UNC79: variants seen among roughly 807,000 people sequenced by gnomAD.
UNC79 encodes the protein unc-79 subunit of NALCN channel complex.
A neutral mutation model predicts 283.1 loss-of-function variants in UNC79; 37 were observed. The ratio of observed to expected loss-of-function variants is 0.13; its 90% CI spans 0.10 to 0.17. The LOEUF (loss-of-function observed/expected upper bound fraction) is 0.17, where lower values mean the gene tolerates loss of function less well. Among genes scored for constraint, UNC79 ranks in the 10% least tolerant of loss-of-function variants. The probability of loss-of-function intolerance (pLI) is 1.00; values close to 1 mark genes in which losing one functional copy is unlikely to be tolerated. For synonymous variants in UNC79, 1,107 were observed against 1,200.2 expected, an observed-to-expected ratio of 0.92 and a Z score of 1.61; for missense variants, 2,272 against 3,211.1, an observed-to-expected ratio of 0.71 and a Z score of 7.07.
At chr14:93,668,183 G>A (rs1229388509) in intron 40 of UNC79, among the ~76,000 whole-genome samples, 1 of 151,992 alleles carries the variant, frequency 6.6e-6, no homozygotes, top group Non-Finnish European at 1.5e-5. Flanking sequence ...AGAAATCAAA[G>A]GTATAAGGAT....
chr14:93,568,401 T>TG (rs910212922), intron 14 of UNC79, among the ~76,000 whole-genome samples: 4 of 152,084 alleles, frequency 2.6e-5, no homozygotes, highest in African/African-American at 9.7e-5. Context: ...AGGCCAGGTG[T>TG]GGGGGCTCAC....
In UNC79 at chr14:93,617,122, G is replaced by A. The variant is rs1379704321; in HGVS notation, c.4042G>A (p.Val1348Ile). The A allele has an allele frequency of 6.2e-7, 1 of 1,608,798 alleles. No individual in the cohort carries two copies. The highest frequency in any genetic ancestry group is 8.5e-7 in the Non-Finnish European group (1 of 1,177,098). The change falls in exon 28 of 49, where the codon GTT becomes ATT. Residue 1348 changes from valine to isoleucine, a missense_variant and splice_region_variant. Physicochemically the swap from Val to Ile is conservative, Grantham distance 29. Transcript: ENST00000555664. This position sits in a 1 kb window ranked among gnomAD's most constrained non-coding sequence, Gnocchi z 4.5. The stretch of plus-strand genomic sequence containing the variant: ...GTTATTAATATTTTTTCTATTTCAG[G>A]TTATGGACTATAACATTAACTTGGG...
intron 1 of UNC79, among the ~76,000 whole-genome samples, chr14:93,380,849 T>G (rs1048217283): frequency 1.3e-5 from 2 of 152,226 alleles, no homozygotes; most frequent in Non-Finnish European, 2.9e-5. Flanking sequence ...ACTGCAGAGA[T>G]ATTCTGGAGG....
chr14:93,497,347 A>G (rs2059058200), intron 7 of UNC79, 61 bp downstream of exon 7: 2 of 1,529,396 alleles, frequency 1.3e-6, no homozygotes, highest in Admixed American at 2.1e-5. Flanking sequence ...CACTGGCCTC[A>G]CCTACTTATA....
intron 40 of UNC79, among the ~76,000 whole-genome samples, chr14:93,672,009 G>A (rs1044751487): frequency 2.0e-5 from 3 of 152,102 alleles, no homozygotes; most frequent in African/African-American, 7.2e-5. Context: ...AGTTAGAAAG[G>A]CTATTATCAA....
intron 1 of UNC79, among the ~76,000 whole-genome samples, chr14:93,463,246 T>G (rs2057025820): frequency 6.6e-6 from 1 of 151,892 alleles, no homozygotes; most frequent in African/African-American, 2.4e-5. Flanking sequence ...AAAATGGTGA[T>G]CGGAAAGTGC....
rs117637671 is a variant in UNC79 at position 93,662,545 on chromosome 14, A to G, written c.6526-59A>G. The G allele has an allele frequency of 3.2e-3, 3,735 of 1,167,930 alleles. 10 individuals are homozygous for G. The highest frequency in any genetic ancestry group is 5.3e-3 in the Admixed American group (246 of 46,010). The allele number at this position is 1,167,930 out of a possible 1,614,324, so 72.3% of individuals were successfully genotyped here. A position where few individuals can be genotyped will look rare whatever the true frequency, so the allele number is the denominator to read the frequency against. On this transcript the variant is annotated intron_variant, in intron 39 of 48. Transcript: ENST00000555664. ...AGTTAAAGTATCATAAGATTTTAAT[A>G]CTTTTTTTGAAATGAAGTAATCAGC...
intron 7 of UNC79, among the ~76,000 whole-genome samples, chr14:93,516,080 T>C (rs1324683653): frequency 6.6e-6 from 1 of 152,100 alleles, no homozygotes; most frequent in Non-Finnish European, 1.5e-5. Context: ...TTCAGTTCAA[T>C]TTGTTGAAAA....
chr14:93,538,352 G>A, intron 12 of UNC79, 134 bp downstream of exon 12: 1 of 879,854 alleles, frequency 1.1e-6, no homozygotes, highest in Non-Finnish European at 1.6e-6. Context: ...CCACAGTGTT[G>A]TAATGATGCT....
rs113985052 is a variant in UNC79 at position 93,586,911 on chromosome 14, A to G, written c.3032+3A>G. 1.9e-6 allele frequency: 3 copies of G among 1,613,082 alleles called. No homozygotes were observed. The highest frequency in any genetic ancestry group is 2.5e-6 in the Non-Finnish European group (3 of 1,179,754). On this transcript the variant is annotated splice_donor_region_variant and intron_variant, in intron 22 of 48. Transcript: ENST00000555664. The stretch of plus-strand genomic sequence containing the variant: ...CAGGACCACATGTTGATTGCAAGGT[A>G]CGTCTTCCTAATGGTTTGTTTTGAT...
In UNC79 at chr14:93,603,156, C is replaced by T. The variant is rs2065635897; in HGVS notation, c.3575-83C>T. On this transcript the variant is annotated intron_variant, in intron 25 of 48. Transcript: ENST00000555664. Reference sequence around the variant, plus strand: ...AATGTATTTTAATATTGAAACTCTACACAGATGGATTGTTTTAGACTAGGT... The same window carrying T: ...AATGTATTTTAATATTGAAACTCTATACAGATGGATTGTTTTAGACTAGGT... The T allele has an allele frequency of 7.4e-6, 11 of 1,477,054 alleles. 1 individual carries two copies. Among genetic ancestry groups the T allele is most frequent in the South Asian group, 2.7e-5 (2 of 74,998 alleles). 91.5% of individuals were successfully genotyped at this position (1,477,054 alleles called of 1,614,324 possible). A position where few individuals can be genotyped will look rare whatever the true frequency, so the allele number is the denominator to read the frequency against.
intron 48 of UNC79, 135 bp from the exon 52 acceptor site, chr14:93,706,569 G>A: frequency 3.2e-6 from 3 of 934,864 alleles, no homozygotes; most frequent in Non-Finnish European, 4.9e-6. Flanking sequence ...TGCCAGAGTA[G>A]AGAGTTTGCC....
chr14:93,593,904 T>C, intron 23 of UNC79, 67 bp downstream of exon 23: 1 of 1,441,288 alleles, frequency 6.9e-7, no homozygotes, highest in African/African-American at 1.4e-5. Context: ...TCACGGCATC[T>C]TTTTTGGCAC....
intron 1 of UNC79, among the ~76,000 whole-genome samples, chr14:93,416,407 C>A (rs1212002621): frequency 6.6e-6 from 1 of 151,568 alleles, no homozygotes; most frequent in African/African-American, 2.4e-5. Context: ...AATGTCTGAT[C>A]TTTTACATTT....
At chr14:93,361,362 A>G (rs2054223230) in intron 1 of UNC79, among the ~76,000 whole-genome samples, 1 of 151,918 alleles carries the variant, frequency 6.6e-6, no homozygotes, top group African/African-American at 2.4e-5. Flanking sequence ...TCTCTATTAA[A>G]AAAAATTAGC....
At chr14:93,546,347 G>T (rs1037697938) in intron 14 of UNC79, among the ~76,000 whole-genome samples, 2 of 152,152 alleles carry the variant, frequency 1.3e-5, no homozygotes, top group African/African-American at 4.8e-5. Flanking sequence ...CAAGAGGGGG[G>T]TTGGCTAGAT....
intron 33 of UNC79, among the ~76,000 whole-genome samples, chr14:93,642,207 G>A (rs1004550239): frequency 3.3e-5 from 5 of 151,970 alleles, no homozygotes; most frequent in African/African-American, 4.8e-5. Context: ...GGTGGATCAC[G>A]AGGTCAGGAG....
chr14:93,623,722 G>A (rs920697442), intron 30 of UNC79, among the ~76,000 whole-genome samples: 4 of 152,050 alleles, frequency 2.6e-5, no homozygotes, highest in East Asian at 3.9e-4. Context: ...GTGAAACCCC[G>A]TCTCTACTAA....
intron 2 of UNC79, among the ~76,000 whole-genome samples, chr14:93,471,441 C>T (rs1051304657): frequency 1.3e-5 from 2 of 152,126 alleles, no homozygotes; most frequent in Non-Finnish European, 2.9e-5. Flanking sequence ...GAAAAGCTGG[C>T]TGCAGAGTCA....
Sources: allele counts gnomAD v4.1 joint callset (sites outside exome capture counted in the v4.1 genomes callset), GRCh38; gene constraint gnomAD v4.1.1; non-coding constraint Gnocchi (gnomAD v3.1); transcripts MANE v1.5; gene names NCBI Gene and HGNC (gene_info 2026-07-23, HGNC 2026-07-21).